FOCAD: variants seen among roughly 807,000 people sequenced by gnomAD.
FOCAD encodes KIAA1797.
FOCAD carries 198 observed loss-of-function variants against 225.6 expected under a neutral mutation model. That is an observed-to-expected ratio of 0.88 (90% confidence interval 0.78 to 0.99). The LOEUF is 0.99. Among genes scored for constraint, FOCAD ranks in the 50% least tolerant of loss-of-function variants. FOCAD has a pLI of 0.00. For synonymous variants in FOCAD, 897 were observed against 755.0 expected (o/e 1.19, Z -3.08); for missense variants, 2,713 against 2,123.6 (o/e 1.28, Z -5.46).
At chr9:20,759,391 C>T (rs568924607) in intron 6 of FOCAD, among the ~76,000 whole-genome samples, 4 of 152,262 alleles carry the variant, frequency 2.6e-5, no homozygotes, top group East Asian at 3.9e-4. Flanking sequence ...AGAACAGAGC[C>T]TTCAGAAATA....
upstream of FOCAD, among the ~76,000 whole-genome samples, chr9:20,656,862 C>A (rs1318850265): frequency 6.6e-6 from 1 of 152,104 alleles, no homozygotes; most frequent in Non-Finnish European, 1.5e-5. Flanking sequence ...GATGCAGTTT[C>A]TTCCTAGTCT....
At chr9:20,723,380 C>T (rs911877441) in intron 4 of FOCAD, among the ~76,000 whole-genome samples, 1 of 152,108 alleles carries the variant, frequency 6.6e-6, no homozygotes, top group African/African-American at 2.4e-5. Flanking sequence ...CCCAGCTACT[C>T]GGGAGGCTGA....
At chr9:20,754,611 G>C (rs1211694332) in intron 5 of FOCAD, among the ~76,000 whole-genome samples, 1 of 151,596 alleles carries the variant, frequency 6.6e-6, no homozygotes, top group Non-Finnish European at 1.5e-5. Context: ...GCCTTCCATA[G>C]TGCTTGTCAT....
Position 20,978,388 on chromosome 9 carries a change from G to A in FOCAD, c.4311G>A (p.Gln1437=), listed in dbSNP as rs1480469283. 8 of 1,612,038 alleles carry A rather than the reference G, an allele frequency of 5.0e-6. No individual in the cohort carries two copies. Among genetic ancestry groups the A allele is most frequent in the Non-Finnish European group, 6.8e-6 (8 of 1,179,016 alleles). ...TTGAAATTATGGTGACCCAGGCACA[G>A]TCATCCCAGAATGCAGCTGCACTAT... ...LCLEIMVTQA[Q]SSQNAAALLG... Residue 1437 remains glutamine, a synonymous_variant, in exon 37 of 44, where the codon CAG becomes CAA. Coordinates refer to ENST00000338382, the MANE Select transcript of FOCAD (RefSeq NM_001375567.1).
chr9:20,758,834 T>C (rs924388348), intron 6 of FOCAD, among the ~76,000 whole-genome samples: 1 of 152,146 alleles, frequency 6.6e-6, no homozygotes, highest in African/African-American at 2.4e-5. Flanking sequence ...ATTGTCCCTG[T>C]TTGCAGATGA....
intron 28 of FOCAD, among the ~76,000 whole-genome samples, chr9:20,938,863 T>C (rs1234191674): frequency 1.3e-5 from 2 of 152,160 alleles, no homozygotes; most frequent in African/African-American, 4.8e-5. Flanking sequence ...TTTTGCTGAT[T>C]TACTTTTTAA....
chr9:20,715,419 G>A lies in FOCAD; in HGVS notation c.57+9G>A. 6.7e-7 allele frequency: 1 copy of A among 1,490,160 alleles called. No individual in the cohort carries two copies. Among genetic ancestry groups the A allele is most frequent in the African/African-American group, 1.4e-5 (1 of 72,034 alleles). 92.3% of individuals were successfully genotyped at this position (1,490,160 alleles called of 1,614,324 possible). A position where few individuals can be genotyped will look rare whatever the true frequency, so the allele number is the denominator to read the frequency against. On this transcript the variant is annotated intron_variant, in intron 2 of 43. Transcript: ENST00000338382. Reference sequence around the variant, plus strand: ...CTCTTATCCAATCACAGGTAATTTTGTTTGTTTATTTTTGCTCATGGTAAC... The same window carrying A: ...CTCTTATCCAATCACAGGTAATTTTATTTGTTTATTTTTGCTCATGGTAAC...
At chr9:20,952,847 C>A (rs777955697) in intron 34 of FOCAD, 138 bp from the exon 35 acceptor site, 31 of 692,172 alleles carry the variant, frequency 4.5e-5, no homozygotes, top group Non-Finnish European at 4.3e-5. Flanking sequence ...GTTGCAGCCA[C>A]AAAGTGTTGT....
At chr9:20,779,774 A>G (rs1333318009) in intron 9 of FOCAD, among the ~76,000 whole-genome samples, 5 of 151,624 alleles carry the variant, frequency 3.3e-5, no homozygotes, top group Non-Finnish European at 7.4e-5. Flanking sequence ...AGTGTGCGAG[A>G]TAAATACTTA....
chr9:20,895,903 T>C (rs1292275245), intron 21 of FOCAD, among the ~76,000 whole-genome samples: 1 of 151,904 alleles, frequency 6.6e-6, no homozygotes, highest in East Asian at 1.9e-4. Flanking sequence ...ATTTCCAGTA[T>C]GATGTTGAAA....
chr9:20,795,750 C>G lies in FOCAD; in HGVS notation c.1455+6142C>G, dbSNP rs180761204. On this transcript the variant is annotated intron_variant, in intron 11 of 43. Transcript: ENST00000338382. ...AGTGAGCTGAGATCGCACCACTGCACTCCAGGCTGGGGGACAGAGCAAGAC... is the reference window on the plus strand; with the variant it reads ...AGTGAGCTGAGATCGCACCACTGCAGTCCAGGCTGGGGGACAGAGCAAGAC... Among the ~76,000 whole-genome samples, 233 of 134,620 alleles carry G rather than the reference C, an allele frequency of 1.7e-3. 2 individuals carry two copies. In the East Asian group the frequency reaches 0.042, roughly 24 times the overall value. 88.3% of individuals were successfully genotyped at this position (134,620 alleles called of 152,430 possible).
chr9:20,693,502 G>T (rs1314816932), intron 1 of FOCAD, among the ~76,000 whole-genome samples: 1 of 152,054 alleles, frequency 6.6e-6, no homozygotes, highest in African/African-American at 2.4e-5. Context: ...AATCTATAAG[G>T]GCAGGGATTT....
At chr9:20,881,726 G>C in intron 19 of FOCAD, 145 bp from the exon 20 acceptor site, 1 of 699,138 alleles carries the variant, frequency 1.4e-6, no homozygotes, top group Non-Finnish European at 2.3e-6. Context: ...ACTAAGAAAG[G>C]GATAGGTATC....
At chr9:20,961,430 G>C (rs141866901) in intron 35 of FOCAD, among the ~76,000 whole-genome samples, 1 of 152,066 alleles carries the variant, frequency 6.6e-6, no homozygotes, top group East Asian at 1.9e-4. Context: ...GGTTTATTTT[G>C]TACTATCCCC....
intron 15 of FOCAD, among the ~76,000 whole-genome samples, chr9:20,832,429 GTA>G (rs1461627550): frequency 1.3e-5 from 2 of 151,674 alleles, no homozygotes; most frequent in Non-Finnish European, 2.9e-5. Flanking sequence ...TATATAGTAA[GTA>G]TATATATTTA....
chr9:20,902,237 G>T (rs1832618625), intron 21 of FOCAD, among the ~76,000 whole-genome samples: 1 of 151,854 alleles, frequency 6.6e-6, no homozygotes, highest in African/African-American at 2.4e-5. Context: ...GGAGTGTTGT[G>T]GGAGAGGCAC....
In FOCAD at chr9:20,717,829, A is replaced by T. The variant is rs1486126655; in HGVS notation, c.93A>T (p.Glu31Asp). Residue 31 changes from glutamate (E) to aspartate (D), a missense_variant, in exon 3 of 44, where the codon GAA (glutamate) becomes GAT (aspartate). Physicochemically the swap from Glu to Asp is conservative, Grantham distance 45. Coordinates refer to ENST00000338382, the MANE Select transcript of FOCAD (RefSeq NM_001375567.1). ...ATCTTATTGCTGCAGTCCTAAAGGA[A>T]AATGGTTTTTCAGAAAAGATTCACC... ...VGHLIAAVLK[E>D]NGFSEKIHQS... is the part of the protein sequence containing the mutation. 6.2e-7 allele frequency: 1 copy of T among 1,612,760 alleles called. No homozygotes were observed. Among genetic ancestry groups the T allele is most frequent in the Non-Finnish European group, 8.5e-7 (1 of 1,179,470 alleles).
At position 20,820,937 on chromosome 9, in the gene FOCAD, G is replaced by T. The variant is rs143047027; in HGVS notation, c.1663-4G>T. ...CTACCTTTTTTGTAAAATTGCCTTC[G>T]TAGGACCGAGTCTATCCTGAACTGC... is the stretch of plus-strand genomic sequence containing the variant. On this transcript the variant is annotated splice_polypyrimidine_tract_variant and splice_region_variant and intron_variant, in intron 13 of 43. Transcript: ENST00000338382. The T allele has an allele frequency of 2.5e-3, 3,972 of 1,608,368 alleles. 7 individuals carry two copies. The highest frequency in any genetic ancestry group is 5.0e-3 in the Middle Eastern group (30 of 6,022).
intron 35 of FOCAD, among the ~76,000 whole-genome samples, chr9:20,969,655 G>T (rs1322098581): frequency 6.7e-6 from 1 of 150,352 alleles, no homozygotes; most frequent in Non-Finnish European, 1.5e-5. Flanking sequence ...TTATGCATTT[G>T]CCTTTTAAGT....
Sources: allele counts gnomAD v4.1 joint callset (sites outside exome capture counted in the v4.1 genomes callset), GRCh38; gene constraint gnomAD v4.1.1; transcripts MANE v1.5; gene names NCBI Gene and HGNC (gene_info 2026-07-23, HGNC 2026-07-21).